Variants in RNF150 observed in about 807,000 individuals in gnomAD.
The protein encoded by RNF150 is ring finger protein 150.
RNF150 carries 24 observed loss-of-function variants against 39.3 expected under a neutral mutation model. The observed-to-expected ratio is 0.61, with a 90% CI of 0.44 to 0.86. RNF150 has a LOEUF of 0.86. Ranked by LOEUF, RNF150 falls within the 40% of genes least tolerant of loss-of-function variation. The probability of loss-of-function intolerance (pLI) is 0.00; values close to 1 mark genes in which losing one functional copy is unlikely to be tolerated. For synonymous variants in RNF150, 255 were observed against 227.3 expected, an observed-to-expected ratio of 1.12 and a Z score of -1.10; for missense variants, 502 against 587.8, an observed-to-expected ratio of 0.85 and a Z score of 1.51.
chr4:140,918,001 A>C (rs1730917472), intron 5 of RNF150, among the ~76,000 whole-genome samples: 1 of 151,940 alleles, frequency 6.6e-6, no homozygotes, highest in African/African-American at 2.4e-5. Context: ...AACGAGAACA[A>C]AGACACAACA....
chr4:140,933,783 A>G (rs1185719251), intron 4 of RNF150, among the ~76,000 whole-genome samples: 1 of 152,070 alleles, frequency 6.6e-6, no homozygotes, highest in African/African-American at 2.4e-5. Flanking sequence ...ATACTTTTCC[A>G]TCTTTCTATG....
chr4:141,082,002 G>A (rs964080289), intron 1 of RNF150, among the ~76,000 whole-genome samples: 2 of 152,112 alleles, frequency 1.3e-5, no homozygotes, highest in Non-Finnish European at 2.9e-5. Context: ...GTATAATTAC[G>A]TGTTTGTATC....
At chr4:141,157,961 C>A (rs1727440851) in intron 1 of RNF150, among the ~76,000 whole-genome samples, 1 of 152,168 alleles carries the variant, frequency 6.6e-6, no homozygotes. Context: ...GTGCTCAGAA[C>A]TCTATACATA....
In RNF150 at chr4:140,969,756, CTTTTT is replaced by C. The variant is rs70946718; in HGVS notation, c.485-1888_485-1884del. Among the ~76,000 whole-genome samples the C allele has an allele frequency of 4.0e-3, 307 of 75,978 alleles. 1 individual carries two copies. The highest frequency in any genetic ancestry group is 0.014 in the African/African-American group (275 of 19,884). 49.8% of individuals were successfully genotyped at this position (75,978 alleles called of 152,430 possible). On this transcript the variant is annotated intron_variant, in intron 1 of 6. Transcript: ENST00000515673. ...GATGTTCAGAAATGCACAAGTTTTA[CTTTTT>C]TTTTTTTTTTTTTTTTTTGAGACAG...
intron 1 of RNF150, among the ~76,000 whole-genome samples, chr4:141,003,570 C>T (rs1734751755): frequency 3.7e-5 from 1 of 27,194 alleles, no homozygotes; most frequent in Admixed American, 6.7e-4. Context: ...AGCACGTACA[C>T]ACACACACAC....
At chr4:140,941,316 G>C (rs986469528) in intron 4 of RNF150, among the ~76,000 whole-genome samples, 20 of 152,170 alleles carry the variant, frequency 1.3e-4, no homozygotes, top group African/African-American at 4.3e-4. Context: ...AAATCCGAAT[G>C]AGACACAACG....
chr4:140,933,293 A>T (rs1230620177), intron 4 of RNF150, among the ~76,000 whole-genome samples: 1 of 152,210 alleles, frequency 6.6e-6, no homozygotes, highest in Non-Finnish European at 1.5e-5. Context: ...TTTACAGTGG[A>T]GGAAAGAAAT....
At chr4:140,885,186 T>G (rs946290217) in intron 6 of RNF150, among the ~76,000 whole-genome samples, 3 of 150,700 alleles carry the variant, frequency 2.0e-5, no homozygotes, top group Non-Finnish European at 3.0e-5. Flanking sequence ...TCTCTACATT[T>G]TTTCCAACAT....
At chr4:141,198,047 T>C (rs1298637133) in intron 1 of RNF150, among the ~76,000 whole-genome samples, 2 of 151,250 alleles carry the variant, frequency 1.3e-5, no homozygotes, top group Non-Finnish European at 3.0e-5. Context: ...TTTTTTTTTT[T>C]TGGAGTTTTG....
chr4:140,965,955 C>A (rs1733224319), intron 2 of RNF150, among the ~76,000 whole-genome samples: 1 of 152,102 alleles, frequency 6.6e-6, no homozygotes, highest in Non-Finnish European at 1.5e-5. Flanking sequence ...ATTTGCTTTA[C>A]TATATTAACC....
intron 6 of RNF150, among the ~76,000 whole-genome samples, chr4:140,878,168 T>G (rs1354338958): frequency 3.0e-5 from 3 of 101,180 alleles, no homozygotes; most frequent in Admixed American, 1.1e-4. Context: ...CATTGTGTTT[T>G]TTTTTTTTTT....
chr4:140,976,821 C>A (rs1733681807), intron 1 of RNF150, among the ~76,000 whole-genome samples: 1 of 152,142 alleles, frequency 6.6e-6, no homozygotes, highest in South Asian at 2.1e-4. Context: ...TCCACCTCTT[C>A]ATGTGAACAT....
chr4:141,136,282 TG>T (rs377552980), upstream of RNF150, among the ~76,000 whole-genome samples: 254 of 152,282 alleles, frequency 1.7e-3, no homozygotes, highest in African/African-American at 5.9e-3. Context: ...TGTCTGTGGT[TG>T]GGGGGCTATG....
At chr4:140,985,500 G>T (rs1733989415) in intron 1 of RNF150, among the ~76,000 whole-genome samples, 1 of 152,096 alleles carries the variant, frequency 6.6e-6, no homozygotes, top group African/African-American at 2.4e-5. Flanking sequence ...CAGATATTCT[G>T]TAAAGCTTTC....
At chr4:141,000,167 G>A (rs924678100) in intron 1 of RNF150, among the ~76,000 whole-genome samples, 3 of 151,982 alleles carry the variant, frequency 2.0e-5, no homozygotes, top group African/African-American at 4.8e-5. Context: ...CAAAGCTAAA[G>A]AAAGAGCTTT....
chr4:140,999,969 G>GAAGAAGAAGAAGAA lies in RNF150; in HGVS notation c.485-32097_485-32096insTTCTTCTTCTTCTT, dbSNP rs1560678529. ...AGAAGAAGAAGAAGAAGAAGAAGAA[G>GAAGAAGAAGAAGAA]AAGAAGAAAAGAAGAAAAGAAGAAA... On this transcript the variant is annotated intron_variant, in intron 1 of 6. Coordinates refer to ENST00000515673, the MANE Select transcript of RNF150 (RefSeq NM_020724.2). Among the ~76,000 whole-genome samples, 36 of 31,048 alleles carry GAAGAAGAAGAAGAA rather than the reference G, an allele frequency of 1.2e-3. 6 individuals carry two copies. The highest frequency in any genetic ancestry group is 1.0e-2 in the South Asian group (4 of 402). 20.4% of individuals were successfully genotyped at this position (31,048 alleles called of 152,430 possible).
At chr4:141,199,307 T>G (rs2111214020) in intron 1 of RNF150, among the ~76,000 whole-genome samples, 1 of 152,334 alleles carries the variant, frequency 6.6e-6, no homozygotes, top group African/African-American at 2.4e-5. Context: ...GAAAGTAGTT[T>G]GTCAGTTTCT....
chr4:140,982,385 T>C (rs961804350), intron 1 of RNF150, among the ~76,000 whole-genome samples: 4 of 152,276 alleles, frequency 2.6e-5, no homozygotes, highest in Middle Eastern at 3.4e-3. Context: ...TCCTTCCTCC[T>C]CTTGAAAACC....
chr4:141,056,286 A>G (rs1393458528), intron 1 of RNF150, among the ~76,000 whole-genome samples: 1 of 152,168 alleles, frequency 6.6e-6, no homozygotes, highest in East Asian at 1.9e-4. Context: ...CTGTAACCCT[A>G]GCCCTTTCGG....
Sources: gnomAD v4.1 joint callset for allele counts (sites outside exome capture counted in the v4.1 genomes callset) on GRCh38, gnomAD v4.1.1 for gene constraint, MANE v1.5 for transcripts, NCBI Gene and HGNC (gene_info 2026-07-23, HGNC 2026-07-21) for gene names.